The following NFRKB variants were observed in gnomAD, a reference collection of about 807,000 sequenced individuals.
NFRKB encodes nuclear factor related to kappa-B-binding protein.
Under a neutral mutation model 135.7 loss-of-function variants are expected in NFRKB, and 62 were observed. The observed-to-expected ratio is 0.46, with a 90% confidence interval of 0.37 to 0.56. The LOEUF is 0.56. Ranked by LOEUF, NFRKB falls within the 20% of genes least tolerant of loss-of-function variation. The pLI is 0.00. For synonymous variants in NFRKB, 678 were observed against 635.6 expected (o/e 1.07, Z -1.00); for missense variants, 1,545 against 1,662.0 (o/e 0.93, Z 1.22).
intron 3 of NFRKB, among the ~76,000 whole-genome samples, 173 bp from the exon 4 acceptor site, chr11:129,888,968 A>C (rs1232281085): frequency 6.6e-6 from 1 of 151,014 alleles, no homozygotes; most frequent in Non-Finnish European, 1.5e-5. Context: ...TATCACTACT[A>C]ATTTTTTACA....
At chr11:129,870,685 G>C (rs2135639650) in intron 23 of NFRKB, among the ~76,000 whole-genome samples, 1 of 152,226 alleles carries the variant, frequency 6.6e-6, no homozygotes, top group African/African-American at 2.4e-5. Context: ...TCCTGCCTCA[G>C]TCTCCTGAGT....
intron 25 of NFRKB, 138 bp downstream of exon 25, chr11:129,865,739 A>C: frequency 1.4e-6 from 1 of 694,218 alleles, no homozygotes. Flanking sequence ...AATACTGTTG[A>C]TGAGCACAAT....
chr11:129,872,256 T>C (rs554972775), intron 23 of NFRKB, among the ~76,000 whole-genome samples: 2 of 152,304 alleles, frequency 1.3e-5, no homozygotes, highest in South Asian at 4.1e-4. Context: ...GGACTTAGTC[T>C]GTTTAATGTA....
intron 1 of NFRKB, among the ~76,000 whole-genome samples, 160 bp downstream of exon 1, chr11:129,895,336 A>C (rs1379101190): frequency 1.3e-5 from 2 of 151,422 alleles, no homozygotes; most frequent in Non-Finnish European, 3.0e-5. Flanking sequence ...GCCGTGCCTA[A>C]CCCTAACCCC....
chr11:129,875,715 G>C (rs763978149), intron 17 of NFRKB, among the ~76,000 whole-genome samples: 1 of 149,710 alleles, frequency 6.7e-6, no homozygotes, highest in Non-Finnish European at 1.5e-5. Flanking sequence ...GAGGTGCAAG[G>C]GCGTGATCTC....
Position 129,870,879 on chromosome 11 carries a change from C to A in NFRKB, c.2764-618G>T, listed in dbSNP as rs540997848. Among the ~76,000 whole-genome samples, 92 of 152,300 alleles carry A rather than the reference C, an allele frequency of 6.0e-4. 2 individuals are homozygous for A. In the South Asian group the frequency reaches 0.019, roughly 31 times the overall value. ...TGCAAACATGCTATAATACTTCCCA[C>A]CCTAAAAAACAACCAATCCTGGCTA... is the stretch of plus-strand genomic sequence containing the variant. On this transcript the variant is annotated intron_variant, in intron 23 of 26. Transcript: ENST00000682444.
intron 18 of NFRKB, 59 bp downstream of exon 18, chr11:129,875,298 G>T: frequency 7.4e-7 from 1 of 1,343,034 alleles, no homozygotes; most frequent in Non-Finnish European, 1.0e-6. Context: ...TGTATTTCCT[G>T]ATAAGTTTTC....
Position 129,873,883 on chromosome 11 carries a change from C to G in NFRKB, c.2412G>C (p.Gln804His). Residue 804 changes from glutamine (Q) to histidine (H), a missense_variant, in exon 22 of 27, where the codon CAG (glutamine) becomes CAC (histidine). By Grantham distance (24) the Gln-to-His change is conservative (BLOSUM62 0). Around this residue, in one of 3 missense-constraint regions of NFRKB, gnomAD observed 753 missense variants for 804.3 expected, o/e 0.94. Coordinates refer to ENST00000682444, the MANE Select transcript of NFRKB (RefSeq NM_001143835.2). ...GGCTAGGCTGGGCCACCACTCGCACCTGAGACAGTCCAGCAGAGCCAGAGT... is the reference window on the plus strand; with the variant it reads ...GGCTAGGCTGGGCCACCACTCGCACGTGAGACAGTCCAGCAGAGCCAGAGT... ...VSHSGSAGLSQVRVVAQPSLP... is the reference protein window; with the variant it reads ...VSHSGSAGLSHVRVVAQPSLP... The G allele has an allele frequency of 2.5e-6, 4 of 1,614,120 alleles. No individual in the cohort carries two copies. The highest frequency in any genetic ancestry group is 3.4e-6 in the Non-Finnish European group (4 of 1,180,034).
rs1398526619 is a variant in NFRKB at position 129,888,594 on chromosome 11, C to T, written c.337G>A (p.Asp113Asn). The stretch of plus-strand genomic sequence containing the variant: ...AAAGAAAGAATACTGAGCTACAAAC[C>T]TCGGAAAAGCTTCTGGGCAATGTGC... ...PLHIAQKLFR[D>N]GHFNPEVVKY... The change falls in exon 4 of 27, where the codon GAC (aspartate) becomes AAC (asparagine). Residue 113 changes from aspartate (D) to asparagine (N), a missense_variant and splice_region_variant. Asp to Asn is a conservative substitution (Grantham distance 23). This residue lies in a region of NFRKB where 678 missense variants were observed against 646.7 expected (regional missense o/e 1.05). Coordinates refer to ENST00000682444, the MANE Select transcript of NFRKB (RefSeq NM_001143835.2). 6.2e-7 allele frequency: 1 copy of T among 1,614,128 alleles called. No homozygotes were observed. The highest frequency in any genetic ancestry group is 8.5e-7 in the Non-Finnish European group (1 of 1,180,006).
At position 129,874,713 on chromosome 11, in the gene NFRKB, T is replaced by A; in HGVS notation, c.1978+80A>T. ...CCATCTTGTCCTACCTATATGCCAA[T>A]GAAAAGAATAATGGAATTGGGGTAG... On this transcript the variant is annotated intron_variant, in intron 19 of 26. Transcript: ENST00000682444. The surrounding 1 kb of genome is among the most constrained non-coding windows in gnomAD (Gnocchi z 4.5). The A allele has an allele frequency of 1.2e-6, 2 of 1,610,226 alleles. No homozygotes were observed. The highest frequency in any genetic ancestry group is 8.5e-7 in the Non-Finnish European group (1 of 1,176,930).
chr11:129,873,665 C>G, intron 22 of NFRKB, 80 bp downstream of exon 22: 1 of 1,554,160 alleles, frequency 6.4e-7, no homozygotes, highest in Non-Finnish European at 8.8e-7. Context: ...AGTCCTTACC[C>G]AGACACTGCC....
intron 15 of NFRKB, among the ~76,000 whole-genome samples, 183 bp from the exon 16 acceptor site, chr11:129,877,568 A>C (rs539364712): frequency 9.6e-4 from 146 of 152,310 alleles, no homozygotes; most frequent in African/African-American, 3.4e-3. Context: ...GGTAATTCCA[A>C]AATCACTTGA....
At chr11:129,891,157 T>C (rs1462301122) in intron 3 of NFRKB, among the ~76,000 whole-genome samples, 1 of 152,122 alleles carries the variant, frequency 6.6e-6, no homozygotes, top group African/African-American at 2.4e-5. Context: ...AATATTATCC[T>C]GCTGGGCAAA....
At chr11:129,866,518 G>A (rs1948200091) in intron 24 of NFRKB, among the ~76,000 whole-genome samples, 1 of 151,744 alleles carries the variant, frequency 6.6e-6, no homozygotes, top group Non-Finnish European at 1.5e-5. Flanking sequence ...GAGAGGCCAT[G>A]CTCTCCGGTG....
Position 129,884,783 on chromosome 11 carries a change from A to G in NFRKB, c.704T>C (p.Val235Ala). 6.2e-7 allele frequency: 1 copy of G among 1,614,122 alleles called. No individual in the cohort carries two copies. Among genetic ancestry groups the G allele is most frequent in the South Asian group, 1.1e-5 (1 of 91,074 alleles). Residue 235 changes from valine (V) to alanine (A), a missense_variant, in exon 7 of 27, where the codon GTG becomes GCG. Coordinates refer to ENST00000682444, the MANE Select transcript of NFRKB (RefSeq NM_001143835.2). ...ATCCGTGGTTGAAAGTGTGGGCACCACCCGCAGGGGCACCGCAGGACTAGG... is the reference window on the plus strand; with the variant it reads ...ATCCGTGGTTGAAAGTGTGGGCACCGCCCGCAGGGGCACCGCAGGACTAGG... ...RSPSPAVPLR[V>A]VPTLSTTDMK...
chr11:129,892,613 A>T (rs1949610358), intron 3 of NFRKB, 102 bp downstream of exon 3: 5 of 1,248,222 alleles, frequency 4.0e-6, no homozygotes, highest in Non-Finnish European at 4.5e-6. Context: ...AATGAACAAA[A>T]GGGAGCACAA....
At position 129,882,118 on chromosome 11, in the gene NFRKB, A is replaced by G; in HGVS notation, c.1159T>C (p.Leu387=). 1 of 1,612,634 alleles carries G rather than the reference A, an allele frequency of 6.2e-7. No individual in the cohort carries two copies. The highest frequency in any genetic ancestry group is 8.5e-7 in the Non-Finnish European group (1 of 1,179,556). Reference sequence around the variant, plus strand: ...AGGCTAGCCTGACTCTCCAGCAGCAAGATCTCTAATAGAAGAGAGAAGAAG... The same window carrying G: ...AGGCTAGCCTGACTCTCCAGCAGCAGGATCTCTAATAGAAGAGAGAAGAAG... The part of the protein sequence containing the change: ...SSFFSLLLEI[L]LLESQASLPM... The change falls in exon 11 of 27, where the codon TTG becomes CTG. Residue 387 remains leucine, a synonymous_variant. Transcript: ENST00000682444.
chr11:129,889,982 G>GTGTA (rs60595143), intron 3 of NFRKB, among the ~76,000 whole-genome samples: 8 of 147,786 alleles, frequency 5.4e-5, no homozygotes, highest in Non-Finnish European at 8.9e-5. Flanking sequence ...GTGTGTGTGT[G>GTGTA]TATGCATTTT....
chr11:129,881,505 A>G lies in NFRKB; in HGVS notation c.1322T>C (p.Val441Ala). Reference protein sequence around the residue: ...LQYLAGESRAVPSSFSPFVEF... With the variant: ...LQYLAGESRAAPSSFSPFVEF... Reference sequence around the variant, plus strand: ...AACAAATGGAGAGAAACTGGAAGGAACAGCTGCAAGAAATGGACCACATAA... The same window carrying G: ...AACAAATGGAGAGAAACTGGAAGGAGCAGCTGCAAGAAATGGACCACATAA... Residue 441 changes from valine (V) to alanine (A), a missense_variant, in exon 13 of 27, where the codon GTT becomes GCT. Transcript: ENST00000682444. The G allele has an allele frequency of 6.2e-7, 1 of 1,614,142 alleles. No individual in the cohort carries two copies. The highest frequency in any genetic ancestry group is 8.5e-7 in the Non-Finnish European group (1 of 1,180,008).
Sources: allele counts gnomAD v4.1 joint callset (sites outside exome capture counted in the v4.1 genomes callset), GRCh38; gene constraint gnomAD v4.1.1; regional missense constraint gnomAD v4.1.1; non-coding constraint Gnocchi (gnomAD v3.1); transcripts MANE v1.5; gene names NCBI Gene and HGNC (gene_info 2026-07-23, HGNC 2026-07-21).